JARID2: variants seen among roughly 807,000 people sequenced by gnomAD.
JARID2 encodes the protein jumonji and AT-rich interaction domain containing 2, also known as protein Jumonji.
In JARID2, 21 loss-of-function variants were observed where a neutral mutation model predicts 125.6. That is an observed-to-expected ratio of 0.17 (90% CI 0.12 to 0.24). The LOEUF is 0.24. Among genes scored for constraint, JARID2 ranks in the 10% least tolerant of loss-of-function variants. The pLI is 1.00. For synonymous variants in JARID2, 736 were observed against 661.6 expected (o/e 1.11, Z -1.73); for missense variants, 1,303 against 1,639.6 (o/e 0.79, Z 3.55).
At chr6:15,309,059 T>TC (rs1761928393) in intron 1 of JARID2, among the ~76,000 whole-genome samples, 2 of 152,230 alleles carry the variant, frequency 1.3e-5, no homozygotes, top group African/African-American at 4.8e-5. Context: ...CTGAATAGTT[T>TC]AAGTAGCTGC....
chr6:15,293,856 A>G (rs1237734088), intron 1 of JARID2, among the ~76,000 whole-genome samples: 2 of 152,222 alleles, frequency 1.3e-5, no homozygotes, highest in African/African-American at 4.8e-5. Flanking sequence ...TCTGAACACA[A>G]AAGGGTTGCA....
intron 1 of JARID2, among the ~76,000 whole-genome samples, chr6:15,362,131 C>T (rs944640062): frequency 7.3e-5 from 11 of 149,736 alleles, no homozygotes; most frequent in African/African-American, 2.0e-4. Flanking sequence ...AGGTGATCTG[C>T]GCCCCCCCCG....
chr6:15,461,147 TTGAC>T (rs1341790204), intron 4 of JARID2, among the ~76,000 whole-genome samples: 1 of 152,224 alleles, frequency 6.6e-6, no homozygotes, highest in Non-Finnish European at 1.5e-5. Flanking sequence ...CTTGTGGCAT[TTGAC>T]TGGGTGTGTA....
At chr6:15,279,588 C>A (rs1760674206) in intron 1 of JARID2, among the ~76,000 whole-genome samples, 1 of 152,224 alleles carries the variant, frequency 6.6e-6, no homozygotes, top group South Asian at 2.1e-4. Flanking sequence ...ATTAACACCA[C>A]TTGCATTAAA....
chr6:15,515,639 A>C (rs549202746), intron 16 of JARID2, among the ~76,000 whole-genome samples: 8 of 152,010 alleles, frequency 5.3e-5, no homozygotes, highest in African/African-American at 1.9e-4. Context: ...ACAAAAAATT[A>C]ACTGGGTGTG....
chr6:15,286,775 TG>T (rs534710388), intron 1 of JARID2, among the ~76,000 whole-genome samples: 122 of 147,574 alleles, frequency 8.3e-4, no homozygotes, highest in Admixed American at 4.1e-3. Context: ...GGCAGGAGAA[TG>T]GCGTGAACCC....
intron 1 of JARID2, among the ~76,000 whole-genome samples, chr6:15,278,569 G>T (rs191029914): frequency 6.6e-6 from 1 of 152,216 alleles, no homozygotes; most frequent in East Asian, 1.9e-4. Context: ...CTGGGCAACA[G>T]AGCAAGACTC....
intron 1 of JARID2, among the ~76,000 whole-genome samples, chr6:15,287,120 C>G (rs1761031633): frequency 8.4e-6 from 1 of 118,700 alleles, no homozygotes; most frequent in Non-Finnish European, 1.7e-5. Context: ...GAGTGAAACT[C>G]TCATCTCAAA....
chr6:15,433,408 C>G (rs1767050740), intron 3 of JARID2, among the ~76,000 whole-genome samples: 1 of 93,510 alleles, frequency 1.1e-5, no homozygotes, highest in Non-Finnish European at 2.1e-5. Context: ...CCCCATGTCT[C>G]TCTGTGTGTG....
At chr6:15,369,686 A>G (rs1764096478) in intron 1 of JARID2, among the ~76,000 whole-genome samples, 1 of 152,232 alleles carries the variant, frequency 6.6e-6, no homozygotes, top group South Asian at 2.1e-4. Flanking sequence ...TATTGGATCT[A>G]GAGGGTCGGG....
At chr6:15,423,370 T>A (rs1468039724) in intron 3 of JARID2, among the ~76,000 whole-genome samples, 1 of 151,986 alleles carries the variant, frequency 6.6e-6, no homozygotes, top group East Asian at 1.9e-4. Flanking sequence ...GACAGGATAG[T>A]GGTTTTGGCT....
At position 15,374,159 on chromosome 6, in the gene JARID2, C is replaced by T. The variant is rs1033019935; in HGVS notation, c.88C>T (p.Arg30Cys). The change falls in exon 2 of 18, where the codon CGT (arginine) becomes TGT (cysteine). Residue 30 changes from arginine to cysteine, a missense_variant. Around this residue, in one of 11 missense-constraint regions of JARID2, gnomAD observed 93 missense variants for 120.4 expected, o/e 0.77. Coordinates refer to ENST00000341776, the MANE Select transcript of JARID2 (RefSeq NM_004973.4). Reference sequence around the variant, plus strand: ...TCCGTGGTCAGAAGAACGGGTGGTACGTAAAGTCCTTTATTTGTCTCTGAA... The same window carrying T: ...TCCGTGGTCAGAAGAACGGGTGGTATGTAAAGTCCTTTATTTGTCTCTGAA... ...GIPWSEERVVRKVLYLSLKEF... is the reference protein window; with the variant it reads ...GIPWSEERVVCKVLYLSLKEF... 1.1e-5 allele frequency: 17 copies of T among 1,613,972 alleles called. No individual in the cohort carries two copies. Among genetic ancestry groups the T allele is most frequent in the Non-Finnish European group, 1.4e-5 (16 of 1,179,898 alleles).
chr6:15,506,964 A>G (rs1414397139), intron 9 of JARID2, among the ~76,000 whole-genome samples, 172 bp from the exon 10 acceptor site: 1 of 152,156 alleles, frequency 6.6e-6, no homozygotes, highest in African/African-American at 2.4e-5. Context: ...CCTGGAGGTG[A>G]CCTGTCATTG....
At chr6:15,308,970 C>T (rs903699434) in intron 1 of JARID2, among the ~76,000 whole-genome samples, 1 of 152,188 alleles carries the variant, frequency 6.6e-6, no homozygotes, top group Non-Finnish European at 1.5e-5. Context: ...ACATGAGTGA[C>T]CTTTTTGGTT....
chr6:15,492,713 C>G (rs754115242), intron 6 of JARID2, among the ~76,000 whole-genome samples: 1 of 152,172 alleles, frequency 6.6e-6, no homozygotes, highest in Non-Finnish European at 1.5e-5. Context: ...CCTGTGGCCT[C>G]TCGTGGTGGG....
At chr6:15,254,525 T>C (rs1010603407) in intron 1 of JARID2, among the ~76,000 whole-genome samples, 6 of 152,140 alleles carry the variant, frequency 3.9e-5, no homozygotes, top group African/African-American at 1.4e-4. Context: ...TACATAATCA[T>C]GGGACAGATG....
rs757833470 is a variant in JARID2, at chr6:15,496,675, C to T, written c.1450C>T (p.His484Tyr). Residue 484 changes from histidine (H) to tyrosine (Y), a missense_variant, in exon 7 of 18, where the codon CAC (histidine) becomes TAC (tyrosine). Transcript: ENST00000341776. ...GGCCGAGAGAGGTCTGCTGAACGGACACGTGAAGAAGGAAGTGCCGGAGCG... is the reference window on the plus strand; with the variant it reads ...GGCCGAGAGAGGTCTGCTGAACGGATACGTGAAGAAGGAAGTGCCGGAGCG... The part of the protein sequence containing the change: ...APAERGLLNG[H>Y]VKKEVPERSL... 2 of 1,613,022 alleles carry T rather than the reference C, an allele frequency of 1.2e-6. No homozygotes were observed. Among genetic ancestry groups the T allele is most frequent in the South Asian group, 1.1e-5 (1 of 91,080 alleles).
At chr6:15,463,880 TGAG>T (rs1301132633) in intron 4 of JARID2, among the ~76,000 whole-genome samples, 6 of 152,232 alleles carry the variant, frequency 3.9e-5, no homozygotes, top group African/African-American at 1.4e-4. Flanking sequence ...CTATCTGACT[TGAG>T]GGGTTTGAAA....
At chr6:15,401,782 T>C (rs1427344173) in intron 2 of JARID2, among the ~76,000 whole-genome samples, 2 of 152,316 alleles carry the variant, frequency 1.3e-5, no homozygotes, top group East Asian at 3.9e-4. Context: ...GCAGATTCCA[T>C]GGCCACATTC....
Sources: allele counts gnomAD v4.1 joint callset (sites outside exome capture counted in the v4.1 genomes callset), GRCh38; gene constraint gnomAD v4.1.1; regional missense constraint gnomAD v4.1.1; transcripts MANE v1.5; gene names NCBI Gene and HGNC (gene_info 2026-07-23, HGNC 2026-07-21).